DNAH11: variants seen among roughly 807,000 people sequenced by gnomAD.
The protein encoded by DNAH11 is dynein axonemal heavy chain 11, also known as axonemal beta dynein heavy chain 11.
In DNAH11, 442 loss-of-function variants were observed where a neutral mutation model predicts 526.0. The observed-to-expected ratio is 0.84, with a 90% confidence interval of 0.78 to 0.91. The LOEUF (loss-of-function observed/expected upper bound fraction) is 0.91, where lower values mean the gene tolerates loss of function less well. Among genes scored for constraint, DNAH11 ranks in the 40% least tolerant of loss-of-function variants. DNAH11 has a pLI of 0.00. For synonymous variants in DNAH11, 2,461 were observed against 1,935.9 expected, an observed-to-expected ratio of 1.27 and a Z score of -7.12; for missense variants, 6,989 against 5,448.7, an observed-to-expected ratio of 1.28 and a Z score of -8.90.
intron 63 of DNAH11, among the ~76,000 whole-genome samples, chr7:21,813,170 A>G (rs994222893): frequency 1.9e-4 from 10 of 52,596 alleles, no homozygotes; most frequent in African/African-American, 7.4e-4. Flanking sequence ...TTTCCATCCA[A>G]AGTTGTTGTT....
At position 21,711,791 on chromosome 7, in the gene DNAH11, G is replaced by A. The variant is rs1429263161; in HGVS notation, c.6914G>A (p.Ser2305Asn). The A allele has an allele frequency of 1.2e-6, 2 of 1,613,758 alleles. No individual in the cohort carries two copies. Among genetic ancestry groups the A allele is most frequent in the Non-Finnish European group, 1.7e-6 (2 of 1,179,836 alleles). Residue 2305 changes from serine to asparagine, a missense_variant, in exon 42 of 82, where the codon AGC becomes AAC. Transcript: ENST00000409508. ...RLLFEIHHLR[S>N]ATPATVSRAG... ...CTGTTTGAGATACATCACTTAAGGA[G>A]CGCAACCCCGGCCACTGTTTCCAGA... is the stretch of plus-strand genomic sequence containing the variant.
At chr7:21,789,868 TTTTCTTTCTTTC>T (rs368386245) in intron 61 of DNAH11, among the ~76,000 whole-genome samples, 2 of 100,644 alleles carry the variant, frequency 2.0e-5, no homozygotes, top group Admixed American at 1.0e-4. Flanking sequence ...CCTTCCTTCC[TTTTCTTTCTTTC>T]TTTCTTTCTT....
intron 20 of DNAH11, among the ~76,000 whole-genome samples, chr7:21,614,721 A>G (rs1223610171): frequency 2.0e-5 from 3 of 152,220 alleles, no homozygotes; most frequent in Non-Finnish European, 4.4e-5. Flanking sequence ...AAGTTTTAAT[A>G]AACTAAGTCA....
At chr7:21,874,876 T>C (rs1012237776) in intron 74 of DNAH11, among the ~76,000 whole-genome samples, 15 of 152,172 alleles carry the variant, frequency 9.9e-5, no homozygotes, top group Non-Finnish European at 1.0e-4. Context: ...GTTAGGACAG[T>C]AGAATGAACC....
intron 66 of DNAH11, among the ~76,000 whole-genome samples, chr7:21,846,410 T>C (rs1394371620): frequency 6.6e-6 from 1 of 152,124 alleles, no homozygotes; most frequent in African/African-American, 2.4e-5. Flanking sequence ...TATTTCTAAT[T>C]TGCCGAGAGT....
chr7:21,843,482 G>GTTT (rs569307380), intron 66 of DNAH11, among the ~76,000 whole-genome samples: 26 of 130,856 alleles, frequency 2.0e-4, no homozygotes, highest in South Asian at 1.7e-3. Flanking sequence ...GGTTTTTTTT[G>GTTT]TTTTTTTTTT....
At position 21,861,918 on chromosome 7, in the gene DNAH11, C is replaced by T. The variant is rs1230427374; in HGVS notation, c.11268C>T (p.Arg3756=). ...QADKVEDMQG[R]ISILMESITH... is the part of the protein sequence containing the mutation. ...ACAAGGTGGAAGACATGCAGGGACGCATCTCTATCCTGATGGAGAGCATCA... is the reference window on the plus strand; with the variant it reads ...ACAAGGTGGAAGACATGCAGGGACGTATCTCTATCCTGATGGAGAGCATCA... The change falls in exon 69 of 82, where the codon CGC becomes CGT. Residue 3756 remains arginine, a synonymous_variant. Transcript: ENST00000409508. 1.2e-6 allele frequency: 2 copies of T among 1,613,364 alleles called. No homozygotes were observed. The highest frequency in any genetic ancestry group is 1.7e-6 in the Non-Finnish European group (2 of 1,179,672).
chr7:21,683,739 C>T, intron 31 of DNAH11, 45 bp from the exon 32 acceptor site: 1 of 1,481,166 alleles, frequency 6.8e-7, no homozygotes. Context: ...CTTGTTGCCC[C>T]AAACTACCAG....
chr7:21,588,174 G>A lies in DNAH11; in HGVS notation c.1821G>A (p.Lys607=). 1 of 1,612,988 alleles carries A rather than the reference G, an allele frequency of 6.2e-7. No homozygotes were observed. Among genetic ancestry groups the A allele is most frequent in the South Asian group, 1.1e-5 (1 of 90,888 alleles). ...TTAATACAGAGCTGGATGTGTGTAAGCAACTGTATAATGAACACATGAAAC... is the reference window on the plus strand; with the variant it reads ...TTAATACAGAGCTGGATGTGTGTAAACAACTGTATAATGAACACATGAAAC... The part of the protein sequence containing the change: ...HMFNTELDVC[K]QLYNEHMKQI... The change falls in exon 10 of 82, where the codon AAG becomes AAA. Residue 607 remains lysine, a synonymous_variant. Coordinates refer to ENST00000409508, the MANE Select transcript of DNAH11 (RefSeq NM_001277115.2).
At chr7:21,765,933 A>T (rs1242616039) in intron 55 of DNAH11, among the ~76,000 whole-genome samples, 1 of 152,174 alleles carries the variant, frequency 6.6e-6, no homozygotes, top group Non-Finnish European at 1.5e-5. Context: ...TGCTGATTAT[A>T]AATCCTTTAA....
chr7:21,681,671 T>C lies in DNAH11; in HGVS notation c.5454T>C (p.Ser1818=). Residue 1818 remains serine, a synonymous_variant, in exon 31 of 82, where the codon TCT becomes TCC. Coordinates refer to ENST00000409508, the MANE Select transcript of DNAH11 (RefSeq NM_001277115.2). ...GAGACGTGGTGGCAAAACTTATTTC[T>C]CAGAAGGCAAGTTGTTTGTAGAAAT... The part of the protein sequence containing the change: ...HARDVVAKLI[S]QKVVSPQAFT... The C allele has an allele frequency of 6.2e-7, 1 of 1,613,932 alleles. No individual in the cohort carries two copies. The highest frequency in any genetic ancestry group is 8.5e-7 in the Non-Finnish European group (1 of 1,179,830).
At position 21,601,397 on chromosome 7, in the gene DNAH11, C is replaced by A; in HGVS notation, c.3427C>A (p.Leu1143Met). The A allele has an allele frequency of 6.2e-7, 1 of 1,610,254 alleles. No homozygotes were observed. Among genetic ancestry groups the A allele is most frequent in the Non-Finnish European group, 8.5e-7 (1 of 1,178,012 alleles). Residue 1143 changes from leucine (L) to methionine (M), a missense_variant and splice_region_variant, in exon 18 of 82, where the codon CTG becomes ATG. Leu to Met is a conservative substitution (Grantham distance 15). Coordinates refer to ENST00000409508, the MANE Select transcript of DNAH11 (RefSeq NM_001277115.2). ...TCTATGTACATATATATTTAATAGT[C>A]TGAATGAGCTACAAGAATTTATAAA... ...EHLLRFVIDS[L>M]NELQEFIKET...
At chr7:21,718,316 T>G (rs1425784934) in intron 43 of DNAH11, among the ~76,000 whole-genome samples, 1 of 152,192 alleles carries the variant, frequency 6.6e-6, no homozygotes, top group Non-Finnish European at 1.5e-5. Flanking sequence ...AATAGCTTTA[T>G]TTATTTTTCT....
intron 65 of DNAH11, among the ~76,000 whole-genome samples, chr7:21,822,027 A>C (rs1790075841): frequency 6.6e-6 from 1 of 152,122 alleles, no homozygotes; most frequent in South Asian, 2.1e-4. Context: ...ATGTTGCTGC[A>C]AATGACAGCT....
At chr7:21,881,978 T>C (rs1783938801) in intron 75 of DNAH11, among the ~76,000 whole-genome samples, 1 of 152,256 alleles carries the variant, frequency 6.6e-6, no homozygotes. Context: ...ATTTTGACCA[T>C]TCTATTAAAT....
chr7:21,799,440 C>T (rs142136868), intron 61 of DNAH11, among the ~76,000 whole-genome samples: 1,796 of 152,196 alleles, frequency 0.012, 40 homozygotes, highest in African/African-American at 0.041. Flanking sequence ...CAGGTTCAAG[C>T]AATTCTCCTG....
chr7:21,599,393 G>C (rs987829388), intron 14 of DNAH11, among the ~76,000 whole-genome samples: 3 of 152,198 alleles, frequency 2.0e-5, no homozygotes, highest in African/African-American at 7.2e-5. Flanking sequence ...TGAAGGACCA[G>C]TTTGACAGAT....
intron 61 of DNAH11, among the ~76,000 whole-genome samples, chr7:21,800,650 A>G (rs150903184): frequency 1.3e-5 from 2 of 152,076 alleles, no homozygotes; most frequent in Admixed American, 1.3e-4. Context: ...AAAAAGAAAA[A>G]TCCGATTGGC....
At chr7:21,680,915 T>G (rs1783110411) in intron 30 of DNAH11, among the ~76,000 whole-genome samples, 1 of 152,234 alleles carries the variant, frequency 6.6e-6, no homozygotes, top group African/African-American at 2.4e-5. Context: ...TAGTCTAATT[T>G]GGCCTTTCAA....
Sources: gnomAD v4.1 joint callset for allele counts (sites outside exome capture counted in the v4.1 genomes callset) on GRCh38, gnomAD v4.1.1 for gene constraint, MANE v1.5 for transcripts, NCBI Gene and HGNC (gene_info 2026-07-23, HGNC 2026-07-21) for gene names.